The following DYNC2H1 variants were observed in gnomAD, a reference collection of about 807,000 sequenced individuals.
DYNC2H1 encodes the protein cytoplasmic dynein 2 heavy chain 1.
DYNC2H1 carries 410 observed loss-of-function variants against 570.0 expected under a neutral mutation model. The ratio of observed to expected loss-of-function variants is 0.72; its 90% CI spans 0.66 to 0.78. The LOEUF is 0.78. Ranked by LOEUF, DYNC2H1 falls within the 30% of genes least tolerant of loss-of-function variation. The pLI, the probability that DYNC2H1 is intolerant of heterozygous loss-of-function variation, is 0.00. For missense variants in DYNC2H1, 4,865 were observed against 5,046.4 expected (o/e 0.96, Z 1.09); for synonymous variants, 1,688 against 1,677.6 (o/e 1.01, Z -0.15).
chr11:103,216,328 C>A (rs72971529), intron 55 of DYNC2H1, among the ~76,000 whole-genome samples: 496 of 152,140 alleles, frequency 3.3e-3, no homozygotes, highest in Middle Eastern at 6.8e-3. Context: ...TTTGTTGAAC[C>A]CTTTCAAGGG....
At chr11:103,331,886 C>T (rs900727452) in intron 82 of DYNC2H1, among the ~76,000 whole-genome samples, 28 of 152,214 alleles carry the variant, frequency 1.8e-4, no homozygotes, top group African/African-American at 6.7e-4. Flanking sequence ...ACGGTGAAAG[C>T]CGGCTCTACT....
intron 63 of DYNC2H1, among the ~76,000 whole-genome samples, chr11:103,237,462 T>C (rs1359833701): frequency 6.6e-6 from 1 of 152,104 alleles, no homozygotes; most frequent in East Asian, 1.9e-4. Context: ...GCTCACTGTA[T>C]TGGTAACTTA....
At position 103,394,288 on chromosome 11, in the gene DYNC2H1, C is replaced by T. The variant is rs778359040; in HGVS notation, c.12157-5375C>T. Among the ~76,000 whole-genome samples, 11 of 152,108 alleles carry T rather than the reference C, an allele frequency of 7.2e-5. No homozygotes were observed. The South Asian group carries it at 8.3e-4, about 11-fold the overall frequency. On this transcript the variant is annotated intron_variant, in intron 83 of 88. Transcript: ENST00000375735. ...TGCTATGAAAAGGAATACGGATCTC[C>T]GAATCTGTAGGTTCCACATCTGCAA... is the stretch of plus-strand genomic sequence containing the variant.
chr11:103,295,608 C>T (rs1385438754), intron 75 of DYNC2H1, among the ~76,000 whole-genome samples: 1 of 152,198 alleles, frequency 6.6e-6, no homozygotes, highest in African/African-American at 2.4e-5. Flanking sequence ...TCTGAGAAGG[C>T]CTGAGCTACA....
At chr11:103,423,407 G>GA (rs1943555494) in intron 84 of DYNC2H1, among the ~76,000 whole-genome samples, 2 of 43,094 alleles carry the variant, frequency 4.6e-5, no homozygotes, top group Non-Finnish European at 1.0e-4. Context: ...AGCCAAAAAA[G>GA]TAAAAAAAAA....
chr11:103,154,364 A>G, intron 22 of DYNC2H1, 87 bp from the exon 23 acceptor site: 1 of 1,175,038 alleles, frequency 8.5e-7, no homozygotes, highest in Non-Finnish European at 1.2e-6. Flanking sequence ...CACACATACA[A>G]GGATTGCAGT....
At chr11:103,476,290 T>C (rs934588487) in intron 88 of DYNC2H1, among the ~76,000 whole-genome samples, 1 of 152,216 alleles carries the variant, frequency 6.6e-6, no homozygotes, top group Admixed American at 6.5e-5. Context: ...ACTCTCTCCA[T>C]GAATCACTGT....
At chr11:103,131,630 T>C (rs1015767014) in intron 13 of DYNC2H1, among the ~76,000 whole-genome samples, 4 of 152,206 alleles carry the variant, frequency 2.6e-5, no homozygotes, top group African/African-American at 7.2e-5. Flanking sequence ...ACAAATTTGC[T>C]TATCTTTCCT....
intron 83 of DYNC2H1, among the ~76,000 whole-genome samples, chr11:103,379,606 A>T (rs1482911439): frequency 1.3e-5 from 2 of 152,158 alleles, no homozygotes; most frequent in African/African-American, 4.8e-5. Context: ...TTATTAATAT[A>T]ACATTTATTT....
chr11:103,335,280 A>G (rs1939055967), intron 82 of DYNC2H1, among the ~76,000 whole-genome samples: 1 of 152,124 alleles, frequency 6.6e-6, no homozygotes, highest in Non-Finnish European at 1.5e-5. Flanking sequence ...ACTGATAAAC[A>G]TATATTTCTA....
At chr11:103,236,630 A>C in intron 63 of DYNC2H1, 91 bp downstream of exon 63, 1 of 643,658 alleles carries the variant, frequency 1.6e-6, no homozygotes, top group Non-Finnish European at 2.6e-6. Context: ...AGTCTTTCAC[A>C]GTTACCCTTT....
chr11:103,357,521 C>T (rs1231316163), intron 82 of DYNC2H1, among the ~76,000 whole-genome samples: 2 of 152,168 alleles, frequency 1.3e-5, no homozygotes, highest in Non-Finnish European at 2.9e-5. Context: ...CCAGTCATTT[C>T]ATATTTTTAA....
intron 36 of DYNC2H1, among the ~76,000 whole-genome samples, chr11:103,175,485 C>G (rs1377265836): frequency 1.3e-5 from 2 of 152,160 alleles, no homozygotes; most frequent in Non-Finnish European, 2.9e-5. Context: ...GAAGTCCAGA[C>G]TTTTTATGTG....
chr11:103,389,536 C>G (rs1942041620), intron 83 of DYNC2H1, among the ~76,000 whole-genome samples: 1 of 152,120 alleles, frequency 6.6e-6, no homozygotes, highest in South Asian at 2.1e-4. Context: ...TTGCTTTCAG[C>G]TAGCTGTTGA....
Position 103,209,843 on chromosome 11 carries a change from C to T in DYNC2H1, c.8455-33C>T, listed in dbSNP as rs1055322453. On this transcript the variant is annotated intron_variant, in intron 52 of 88. Coordinates refer to ENST00000375735, the MANE Select transcript of DYNC2H1 (RefSeq NM_001377.3). This position sits in a 1 kb window ranked among gnomAD's most constrained non-coding sequence, Gnocchi z 4.2. ...TTTAACTTATGATATGGGACTTATA[C>T]TCTTTCATAGTGATATTCTTTTTAT... 1 of 1,409,812 alleles carries T rather than the reference C, an allele frequency of 7.1e-7. No individual in the cohort carries two copies. Among genetic ancestry groups the T allele is most frequent in the Non-Finnish European group, 9.3e-7 (1 of 1,077,030 alleles). The allele number at this position is 1,409,812 out of a possible 1,614,324, so 87.3% of individuals were successfully genotyped here.
chr11:103,393,749 A>AAG (rs944671837), intron 83 of DYNC2H1, among the ~76,000 whole-genome samples: 3 of 152,058 alleles, frequency 2.0e-5, no homozygotes, highest in Admixed American at 2.0e-4. Flanking sequence ...CAATTTATAA[A>AAG]AGAAAGAGGT....
At chr11:103,288,684 T>TAAAAA (rs57040929) in intron 75 of DYNC2H1, among the ~76,000 whole-genome samples, 80 of 27,792 alleles carry the variant, frequency 2.9e-3, no homozygotes, top group South Asian at 3.5e-3. Context: ...CCGTCTCTAC[T>TAAAAA]AAAAAAAAAA....
chr11:103,300,240 A>T (rs1228193579), intron 75 of DYNC2H1, among the ~76,000 whole-genome samples: 1 of 152,056 alleles, frequency 6.6e-6, no homozygotes, highest in African/African-American at 2.4e-5. Context: ...GTATTTGCAT[A>T]AAATAAAAAA....
At chr11:103,303,495 T>A (rs1281900614) in intron 76 of DYNC2H1, among the ~76,000 whole-genome samples, 11 of 152,138 alleles carry the variant, frequency 7.2e-5, no homozygotes, top group African/African-American at 2.7e-4. Flanking sequence ...CAATATAAAA[T>A]CACAAAGGTT....
Sources: gnomAD v4.1 joint callset for allele counts (sites outside exome capture counted in the v4.1 genomes callset) on GRCh38, gnomAD v4.1.1 for gene constraint, Gnocchi (gnomAD v3.1) non-coding constraint, MANE v1.5 for transcripts, NCBI Gene and HGNC (gene_info 2026-07-23, HGNC 2026-07-21) for gene names.